Variants in XDH observed in about 807,000 individuals in gnomAD.
The protein encoded by XDH is xanthine dehydrogenase, also known as xanthine dehydrogenase/oxidase.
A neutral mutation model predicts 156.1 loss-of-function variants in XDH; 138 were observed. The ratio of observed to expected loss-of-function variants is 0.88; its 90% CI spans 0.77 to 1.02. The LOEUF is 1.02. XDH is among the 50% of genes least tolerant of loss of function. XDH has a pLI of 0.00. For missense variants in XDH, 1,849 were observed against 1,684.9 expected, an observed-to-expected ratio of 1.10 and a Z score of -1.71; for synonymous variants, 669 against 625.7, an observed-to-expected ratio of 1.07 and a Z score of -1.03.
chr2:31,395,833 TC>T (rs757567604), intron 6 of XDH, among the ~76,000 whole-genome samples: 11 of 152,222 alleles, frequency 7.2e-5, no homozygotes, highest in Non-Finnish European at 1.5e-4. Context: ...TCAGCCTTTT[TC>T]TTCTTGTTTA....
intron 17 of XDH, among the ~76,000 whole-genome samples, chr2:31,370,886 C>G (rs113793831): frequency 6.6e-6 from 1 of 152,172 alleles, no homozygotes; most frequent in African/African-American, 2.4e-5. Context: ...TTGGATGTTA[C>G]GTGATGCTCT....
At chr2:31,395,908 C>T (rs1478165056) in intron 6 of XDH, among the ~76,000 whole-genome samples, 1 of 152,196 alleles carries the variant, frequency 6.6e-6, no homozygotes, top group Non-Finnish European at 1.5e-5. Context: ...TTGCTTGTAC[C>T]TGTTTAATGG....
chr2:31,356,733 C>T (rs944566921), intron 24 of XDH, among the ~76,000 whole-genome samples: 1 of 152,202 alleles, frequency 6.6e-6, no homozygotes, highest in African/African-American at 2.4e-5. Context: ...TTTGTTATAA[C>T]AGCCACAGAA....
chr2:31,366,798 A>G, intron 21 of XDH, 72 bp downstream of exon 21: 1 of 1,610,858 alleles, frequency 6.2e-7, no homozygotes, highest in Non-Finnish European at 8.5e-7. Context: ...TATTTCCCAC[A>G]TGGCCCTCCT....
rs1684921535 is a variant in XDH, at chr2:31,334,365, A to T, written c.*1593T>A. On this transcript the variant is annotated 3_prime_UTR_variant, in exon 36 of 36. Transcript: ENST00000379416. ...ATTAGTGACATCAAGCACCAGTCCA[A>T]CTATATCATTTCCACTATCCTCCCT... 6.6e-6 allele frequency: 1 copy of T among 152,170 alleles called. No individual in the cohort carries two copies. The highest frequency in any genetic ancestry group is 2.1e-4 in the South Asian group (1 of 4,820). 9.4% of individuals were successfully genotyped at this position (152,170 alleles called of 1,614,324 possible). A position where few individuals can be genotyped will look rare whatever the true frequency, so the allele number is the denominator to read the frequency against.
chr2:31,346,831 T>G lies in XDH; in HGVS notation c.3289A>C (p.Thr1097Pro), dbSNP rs1364639685. 4 of 1,613,942 alleles carry G rather than the reference T, an allele frequency of 2.5e-6. No individual in the cohort carries two copies. The African/African-American group carries it at 5.3e-5, about 22-fold the overall frequency. ...TAGGGTTCCAGCCTTTTCAAGATGG[T>G]CTGACAAGCCGCCTAAAGTAAACAC... ...NGQAVYAACQTILKRLEPYKK... is the reference protein window; with the variant it reads ...NGQAVYAACQPILKRLEPYKK... Residue 1097 changes from threonine to proline, a missense_variant, in exon 30 of 36, where the codon ACC (threonine) becomes CCC (proline). Coordinates refer to ENST00000379416, the MANE Select transcript of XDH (RefSeq NM_000379.4).
At chr2:31,369,256 C>T (rs928907917) in intron 18 of XDH, among the ~76,000 whole-genome samples, 3 of 152,084 alleles carry the variant, frequency 2.0e-5, no homozygotes, top group Non-Finnish European at 2.9e-5. Context: ...TCTTATACTT[C>T]AACTAATACC....
intron 33 of XDH, among the ~76,000 whole-genome samples, chr2:31,340,983 G>A (rs1685108699): frequency 1.3e-5 from 2 of 152,172 alleles, no homozygotes; most frequent in African/African-American, 4.8e-5. Context: ...AGACCCCACT[G>A]TCTGGGCATT....
chr2:31,372,411 G>A lies in XDH; in HGVS notation c.1687-14C>T, dbSNP rs1250095681. Reference sequence around the variant, plus strand: ...CTTGGGCACCTCCTGGAATGACAGGGTCATCAATCAGGGTGAGCTGCCAAG... The same window carrying A: ...CTTGGGCACCTCCTGGAATGACAGGATCATCAATCAGGGTGAGCTGCCAAG... On this transcript the variant is annotated splice_polypyrimidine_tract_variant and intron_variant, in intron 16 of 35. Transcript: ENST00000379416. The A allele has an allele frequency of 1.9e-6, 3 of 1,613,902 alleles. No homozygotes were observed. The Admixed American group carries it at 5.0e-5, about 27-fold the overall frequency.
chr2:31,369,719 T>A (rs1444885074), intron 18 of XDH, among the ~76,000 whole-genome samples: 1 of 152,184 alleles, frequency 6.6e-6, no homozygotes, highest in Non-Finnish European at 1.5e-5. Flanking sequence ...CCTCATGGAG[T>A]CTTTGTTCTC....
intron 6 of XDH, among the ~76,000 whole-genome samples, chr2:31,397,341 G>A (rs907253407): frequency 3.3e-5 from 5 of 152,198 alleles, no homozygotes; most frequent in Non-Finnish European, 1.5e-5. Flanking sequence ...GCCATGGGCT[G>A]AGCCTGCCAG....
At chr2:31,360,637 C>T (rs752854790) in intron 24 of XDH, among the ~76,000 whole-genome samples, 2 of 152,184 alleles carry the variant, frequency 1.3e-5, no homozygotes, top group Non-Finnish European at 1.5e-5. Context: ...GCCCCTTAGC[C>T]GCTTAGTCCC....
rs1686156330 is a variant in XDH at position 31,374,078 on chromosome 2, T to C, written c.1603-122A>G. ...CCCTTGTCTCTTCACTTCATACGCC[T>C]TTGAGTGCTGGCTGGATCTCTCAGC... On this transcript the variant is annotated intron_variant, in intron 15 of 35. Transcript: ENST00000379416. 12 of 1,011,492 alleles carry C rather than the reference T, an allele frequency of 1.2e-5. No homozygotes were observed. The South Asian group carries it at 1.7e-4, about 14-fold the overall frequency. The allele number at this position is 1,011,492 out of a possible 1,614,324, so 62.7% of individuals were successfully genotyped here.
At chr2:31,388,550 T>C (rs1371687248) in intron 6 of XDH, among the ~76,000 whole-genome samples, 2 of 152,216 alleles carry the variant, frequency 1.3e-5, no homozygotes, top group African/African-American at 4.8e-5. Flanking sequence ...GGAACTTTTC[T>C]CCATAAAAGC....
chr2:31,346,420 G>A (rs937758699), intron 30 of XDH, among the ~76,000 whole-genome samples: 29 of 152,256 alleles, frequency 1.9e-4, no homozygotes, highest in African/African-American at 5.5e-4. Context: ...TGGGACAAGC[G>A]GGGTGTGGGA....
At position 31,347,724 on chromosome 2, in the gene XDH, G is replaced by C. The variant is rs77716518; in HGVS notation, c.3148-74C>G. 1.8e-3 allele frequency: 2,819 copies of C among 1,563,674 alleles called. 47 individuals are homozygous for C. The African/African-American group carries it at 0.035, about 19-fold the overall frequency. ...CTTGGCTGCCTTCTCCCCAAGACAG[G>C]ATTCACATTCACTGTTACAGGCAAG... is the stretch of plus-strand genomic sequence containing the variant. On this transcript the variant is annotated intron_variant, in intron 28 of 35. Coordinates refer to ENST00000379416, the MANE Select transcript of XDH (RefSeq NM_000379.4).
chr2:31,397,244 A>G (rs1381258624), intron 6 of XDH, among the ~76,000 whole-genome samples: 1 of 152,226 alleles, frequency 6.6e-6, no homozygotes, highest in Non-Finnish European at 1.5e-5. Flanking sequence ...AGTGCCAGCC[A>G]CAGAAAGCAG....
chr2:31,411,779 C>G (rs567950392), intron 1 of XDH, among the ~76,000 whole-genome samples: 103 of 152,350 alleles, frequency 6.8e-4, no homozygotes, highest in South Asian at 4.6e-3. Flanking sequence ...AAATACATTT[C>G]AGAAGGTATT....
rs536865713 is a variant in XDH, at chr2:31,362,847, A to G, written c.2631+1311T>C. 7.9e-5 allele frequency among the ~76,000 whole-genome samples: 12 copies of G among 152,362 alleles called. No homozygotes were observed. In the East Asian group the frequency reaches 2.1e-3, roughly 27 times the overall value. ...ATTTAGTCAAGAGAAATCAAAATAC[A>G]TGTCTACATAAGGCTAGTATGAGAG... On this transcript the variant is annotated intron_variant, in intron 24 of 35. Coordinates refer to ENST00000379416, the MANE Select transcript of XDH (RefSeq NM_000379.4).
Sources: allele counts gnomAD v4.1 joint callset (sites outside exome capture counted in the v4.1 genomes callset), GRCh38; gene constraint gnomAD v4.1.1; transcripts MANE v1.5; gene names NCBI Gene and HGNC (gene_info 2026-07-23, HGNC 2026-07-21).